SKAP2: variants seen among roughly 807,000 people sequenced by gnomAD.
SKAP2 encodes src kinase-associated phosphoprotein 2.
SKAP2 carries 28 observed loss-of-function variants against 54.9 expected under a neutral mutation model. The observed-to-expected ratio is 0.51, with a 90% confidence interval of 0.38 to 0.70. SKAP2 has a LOEUF of 0.70. SKAP2 is among the 30% of genes least tolerant of loss of function. SKAP2 has a pLI of 0.00. For missense variants in SKAP2, 356 were observed against 424.1 expected (o/e 0.84, Z 1.41); for synonymous variants, 137 against 134.3 (o/e 1.02, Z -0.14).
chr7:26,710,642 CTG>C (rs1160482481), intron 9 of SKAP2, among the ~76,000 whole-genome samples: 4 of 152,158 alleles, frequency 2.6e-5, no homozygotes, highest in East Asian at 1.9e-4. Context: ...TTAGGCTAGA[CTG>C]TGAGATTTCA....
intron 4 of SKAP2, among the ~76,000 whole-genome samples, chr7:26,749,233 A>C (rs1190760262): frequency 1.3e-5 from 2 of 152,202 alleles, no homozygotes; most frequent in African/African-American, 4.8e-5. Context: ...GCATAAACAC[A>C]TATTTGACAA....
intron 9 of SKAP2, among the ~76,000 whole-genome samples, chr7:26,712,052 A>G (rs892427367): frequency 1.2e-4 from 19 of 152,184 alleles, no homozygotes; most frequent in Non-Finnish European, 1.5e-4. Flanking sequence ...TTGAGTAACA[A>G]TTGATACCGT....
At chr7:26,755,961 G>GT (rs1782781637) in intron 4 of SKAP2, among the ~76,000 whole-genome samples, 1 of 152,156 alleles carries the variant, frequency 6.6e-6, no homozygotes, top group Non-Finnish European at 1.5e-5. Context: ...ACATGATGGT[G>GT]TATAAGCCAG....
intron 11 of SKAP2, among the ~76,000 whole-genome samples, chr7:26,677,626 C>T (rs767549793): frequency 3.7e-4 from 57 of 152,166 alleles, no homozygotes; most frequent in Non-Finnish European, 7.1e-4. Flanking sequence ...TCATTACTTA[C>T]TTACTCCAGT....
rs369317261 is a variant in SKAP2 at position 26,668,662 on chromosome 7, GTTTTTTTTTTT to G, written c.*993_*1003del. On this transcript the variant is annotated 3_prime_UTR_variant, in exon 13 of 13. Transcript: ENST00000345317. Reference sequence around the variant, plus strand: ...TACTTTGAGAATACACTGAGATTCTGTTTTTTTTTTTTTTTTTTTCTGAGATGGAGTCTCAC... The same window carrying G: ...TACTTTGAGAATACACTGAGATTCTGTTTTTTTTCTGAGATGGAGTCTCAC... 8.1e-6 allele frequency: 1 copy of G among 122,994 alleles called. No individual in the cohort carries two copies. The allele number at this position is 122,994 out of a possible 1,614,324, so 7.6% of individuals were successfully genotyped here. A position where few individuals can be genotyped will look rare whatever the true frequency, so the allele number is the denominator to read the frequency against.
At chr7:26,801,659 C>T (rs56359409) in intron 4 of SKAP2, among the ~76,000 whole-genome samples, 45,350 of 151,964 alleles carry the variant, frequency 0.3, 7,061 homozygotes, top group Middle Eastern at 0.37. Flanking sequence ...TTCAGTAAAG[C>T]TGCAGGATAC....
At chr7:26,752,407 T>C (rs1233060736) in intron 4 of SKAP2, among the ~76,000 whole-genome samples, 1 of 152,136 alleles carries the variant, frequency 6.6e-6, no homozygotes, top group Non-Finnish European at 1.5e-5. Context: ...GCCAAAAGCT[T>C]AATGCCAAAG....
intron 4 of SKAP2, among the ~76,000 whole-genome samples, chr7:26,819,528 G>A (rs1784348920): frequency 6.6e-6 from 1 of 150,792 alleles, no homozygotes; most frequent in Non-Finnish European, 1.5e-5. Flanking sequence ...ATGTAACAAA[G>A]CTGCGCATTC....
chr7:26,718,002 C>T (rs190625068), intron 9 of SKAP2, among the ~76,000 whole-genome samples: 59 of 151,832 alleles, frequency 3.9e-4, no homozygotes, highest in Non-Finnish European at 6.8e-4. Flanking sequence ...AAAACTCATG[C>T]GATGAGGATA....
At chr7:26,835,416 A>C (rs2127993519) in intron 4 of SKAP2, among the ~76,000 whole-genome samples, 1 of 152,312 alleles carries the variant, frequency 6.6e-6, no homozygotes, top group South Asian at 2.1e-4. Flanking sequence ...GTCTGTTTGC[A>C]GATGACATGA....
At chr7:26,671,689 A>C (rs956564602) in intron 11 of SKAP2, among the ~76,000 whole-genome samples, 1 of 151,996 alleles carries the variant, frequency 6.6e-6, no homozygotes, top group Non-Finnish European at 1.5e-5. Context: ...CAAGATTTTA[A>C]GTTTTAAACT....
At chr7:26,677,718 T>C (rs1190429281) in intron 11 of SKAP2, among the ~76,000 whole-genome samples, 2 of 152,234 alleles carry the variant, frequency 1.3e-5, no homozygotes, top group African/African-American at 4.8e-5. Context: ...CTATTATCTA[T>C]TTTATGCATT....
At position 26,757,224 on chromosome 7, in the gene SKAP2, G is replaced by A. The variant is rs563651024; in HGVS notation, c.308-17260C>T. Among the ~76,000 whole-genome samples the A allele has an allele frequency of 3.9e-3, 600 of 152,228 alleles. 5 individuals carry two copies. The highest frequency in any genetic ancestry group is 0.014 in the African/African-American group (572 of 41,522). On this transcript the variant is annotated intron_variant, in intron 4 of 12. Transcript: ENST00000345317. ...GTCTTTTGTTGCCATTGCTTTTGGT[G>A]TTTTAGACATGAAGTCCTTGCCCAT...
chr7:26,810,797 T>A (rs1256688105), intron 4 of SKAP2, among the ~76,000 whole-genome samples: 2 of 152,206 alleles, frequency 1.3e-5, no homozygotes, highest in Non-Finnish European at 2.9e-5. Flanking sequence ...TTCTCCTGCC[T>A]CAGCCTCCCG....
intron 11 of SKAP2, among the ~76,000 whole-genome samples, chr7:26,675,688 C>G (rs1786335355): frequency 6.6e-6 from 1 of 152,076 alleles, no homozygotes; most frequent in Non-Finnish European, 1.5e-5. Context: ...AATGTATTTT[C>G]TTTTGTGTAT....
chr7:26,750,819 A>G (rs1269569331), intron 4 of SKAP2, among the ~76,000 whole-genome samples: 1 of 152,214 alleles, frequency 6.6e-6, no homozygotes, highest in African/African-American at 2.4e-5. Flanking sequence ...CAAACTGCAT[A>G]GAAATAAGAA....
intron 1 of SKAP2, among the ~76,000 whole-genome samples, chr7:26,859,202 T>C (rs1785233721): frequency 6.6e-6 from 1 of 151,958 alleles, no homozygotes. Context: ...TCTGCTTTCA[T>C]TGAGATGTGC....
At chr7:26,746,177 T>C (rs1458386165) in intron 4 of SKAP2, among the ~76,000 whole-genome samples, 2 of 152,214 alleles carry the variant, frequency 1.3e-5, no homozygotes, top group South Asian at 2.1e-4. Flanking sequence ...GTACATTTAG[T>C]ACTTAGCTTT....
chr7:26,798,814 T>TTTGC (rs1456654870), intron 4 of SKAP2, among the ~76,000 whole-genome samples: 1 of 152,228 alleles, frequency 6.6e-6, no homozygotes, highest in Non-Finnish European at 1.5e-5. Context: ...TGCTTGGTTG[T>TTTGC]TTGCTTATTC....
Sources: allele counts gnomAD v4.1 joint callset (sites outside exome capture counted in the v4.1 genomes callset), GRCh38; gene constraint gnomAD v4.1.1; transcripts MANE v1.5; gene names NCBI Gene and HGNC (gene_info 2026-07-23, HGNC 2026-07-21).